TBCA: variants seen among roughly 807,000 people sequenced by gnomAD.
TBCA encodes tubulin folding cofactor A.
A neutral mutation model predicts 15.8 loss-of-function variants in TBCA; 6 were observed. That is an observed-to-expected ratio of 0.38 (90% CI 0.21 to 0.75). The LOEUF (loss-of-function observed/expected upper bound fraction) is 0.75. Ranked by LOEUF, TBCA falls within the 30% of genes least tolerant of loss-of-function variation. The pLI is 0.46. For synonymous variants in TBCA, 32 were observed against 42.3 expected, an observed-to-expected ratio of 0.76 and a Z score of 0.94; for missense variants, 90 against 131.2, an observed-to-expected ratio of 0.69 and a Z score of 1.53.
rs539496698 is a variant in TBCA, at chr5:77,755,962, C to A, written c.53+20243G>T. ...GAGGTTGCGGTGAGCAGTGATGGCACCATTTGCATTCCAGCTGGGTCAACA... is the reference window on the plus strand; with the variant it reads ...GAGGTTGCGGTGAGCAGTGATGGCAACATTTGCATTCCAGCTGGGTCAACA... On this transcript the variant is annotated intron_variant, in intron 1 of 3. Coordinates refer to ENST00000380377, the MANE Select transcript of TBCA (RefSeq NM_004607.3). 2.0e-5 allele frequency among the ~76,000 whole-genome samples: 3 copies of A among 152,268 alleles called. No homozygotes were observed. In the East Asian group the frequency reaches 5.8e-4, roughly 29 times the overall value.
At chr5:77,758,170 C>T (rs563522222) in intron 1 of TBCA, among the ~76,000 whole-genome samples, 1 of 151,886 alleles carries the variant, frequency 6.6e-6, no homozygotes, top group African/African-American at 2.4e-5. Flanking sequence ...AGAGAGAGAC[C>T]CTCTCATATT....
At chr5:77,697,249 C>T (rs898208394) in intron 2 of TBCA, among the ~76,000 whole-genome samples, 2 of 152,190 alleles carry the variant, frequency 1.3e-5, no homozygotes, top group African/African-American at 4.8e-5. Flanking sequence ...CAAGGTGTAA[C>T]TGACTTTTGT....
chr5:77,767,792 C>T (rs1162755704), intron 1 of TBCA, among the ~76,000 whole-genome samples: 1 of 152,196 alleles, frequency 6.6e-6, no homozygotes. Flanking sequence ...ATCCTTAAGT[C>T]CTCATCCACA....
intron 1 of TBCA, among the ~76,000 whole-genome samples, chr5:77,751,523 A>G (rs1350057907): frequency 6.6e-6 from 1 of 151,326 alleles, no homozygotes; most frequent in African/African-American, 2.4e-5. Context: ...CTGGCCAAGA[A>G]GGGAGTCCAT....
chr5:77,716,441 T>G (rs185966274), intron 1 of TBCA, among the ~76,000 whole-genome samples: 181 of 152,322 alleles, frequency 1.2e-3, no homozygotes, highest in African/African-American at 4.3e-3. Flanking sequence ...GGCAAAAGCT[T>G]GAATCACTTG....
chr5:77,763,018 C>T (rs892047437), intron 1 of TBCA, among the ~76,000 whole-genome samples: 18 of 152,020 alleles, frequency 1.2e-4, no homozygotes, highest in African/African-American at 3.6e-4. Flanking sequence ...CCGAGGCAGG[C>T]GGATCACGAG....
chr5:77,755,912 G>A (rs1260900846), intron 1 of TBCA, among the ~76,000 whole-genome samples: 1 of 151,730 alleles, frequency 6.6e-6, no homozygotes, highest in Admixed American at 6.6e-5. Flanking sequence ...GCTGAGGCGG[G>A]AGGATAGCTC....
At chr5:77,759,973 C>G (rs1747569835) in intron 1 of TBCA, among the ~76,000 whole-genome samples, 1 of 152,176 alleles carries the variant, frequency 6.6e-6, no homozygotes, top group South Asian at 2.1e-4. Context: ...GAAACTAGAA[C>G]AGAAGCAATG....
intron 1 of TBCA, among the ~76,000 whole-genome samples, chr5:77,723,961 T>C (rs1746578240): frequency 6.6e-6 from 1 of 152,166 alleles, no homozygotes; most frequent in African/African-American, 2.4e-5. Flanking sequence ...AGTTCAAATT[T>C]TCCATTATTA....
intron 1 of TBCA, among the ~76,000 whole-genome samples, chr5:77,763,084 A>G (rs918219660): frequency 1.4e-4 from 21 of 152,140 alleles, no homozygotes; most frequent in Admixed American, 1.2e-3. Context: ...TCTACTAAAA[A>G]TACAAAAAAA....
intron 1 of TBCA, among the ~76,000 whole-genome samples, chr5:77,771,983 C>T (rs1045739967): frequency 1.3e-5 from 2 of 151,104 alleles, no homozygotes; most frequent in African/African-American, 2.4e-5. Context: ...TTGTGACTTC[C>T]GAAGATAAAT....
At chr5:77,761,208 G>C (rs1747626591) in intron 1 of TBCA, among the ~76,000 whole-genome samples, 1 of 151,870 alleles carries the variant, frequency 6.6e-6, no homozygotes, top group Admixed American at 6.6e-5. Context: ...GGGAAATGTG[G>C]GGAAAAGAAA....
intron 1 of TBCA, among the ~76,000 whole-genome samples, chr5:77,759,420 G>A (rs1029359583): frequency 6.6e-6 from 1 of 152,180 alleles, no homozygotes; most frequent in African/African-American, 2.4e-5. Flanking sequence ...GGGGTATAAT[G>A]AGGTATGTGC....
chr5:77,692,825 T>TC (rs1745785362), intron 3 of TBCA: 3 of 1,067,180 alleles, frequency 2.8e-6, no homozygotes, highest in Non-Finnish European at 3.4e-6. Context: ...CCAGGTTTTT[T>TC]CCCCCTCTCA....
At chr5:77,700,251 T>C (rs1745981095) in intron 2 of TBCA, among the ~76,000 whole-genome samples, 1 of 152,048 alleles carries the variant, frequency 6.6e-6, no homozygotes, top group East Asian at 1.9e-4. Context: ...TCAAAGACAC[T>C]GTTAAGAGGA....
rs1011074648 is a variant in TBCA at position 77,692,817 on chromosome 5, A to G, written c.246+449T>C. The G allele has an allele frequency of 7.5e-6, 8 of 1,063,384 alleles. No individual in the cohort carries two copies. In the African/African-American group the frequency reaches 1.2e-4, roughly 16 times the overall value. The allele number at this position is 1,063,384 out of a possible 1,614,324, so 65.9% of individuals were successfully genotyped here. On this transcript the variant is annotated intron_variant, in intron 3 of 3. Coordinates refer to ENST00000380377, the MANE Select transcript of TBCA (RefSeq NM_004607.3). ...GTATGAGGGGACTACATAGATTACC[A>G]GGTTTTTTCCCCCTCTCAAACTGAT...
At position 77,746,800 on chromosome 5, in the gene TBCA, A is replaced by C. The variant is rs545150505; in HGVS notation, c.53+29405T>G. Among the ~76,000 whole-genome samples the C allele has an allele frequency of 2.0e-5, 3 of 152,304 alleles. No homozygotes were observed. In the East Asian group the frequency reaches 5.8e-4, roughly 29 times the overall value. On this transcript the variant is annotated intron_variant, in intron 1 of 3. Transcript: ENST00000380377. ...AAGCCCCAAATTTCTGGTAAAGTCT[A>C]AATTTATCCAAATCGTATACATCAT...
chr5:77,760,589 GT>G (rs1314175753), intron 1 of TBCA, among the ~76,000 whole-genome samples: 1 of 152,152 alleles, frequency 6.6e-6, no homozygotes, highest in East Asian at 1.9e-4. Context: ...CGCCTGACTG[GT>G]TTTTGTATTT....
chr5:77,731,129 C>T (rs920192195), intron 1 of TBCA, among the ~76,000 whole-genome samples: 7 of 152,120 alleles, frequency 4.6e-5, no homozygotes, highest in East Asian at 1.9e-4. Flanking sequence ...TGGCCTTCTA[C>T]GAATGTCCTA....
Sources: gnomAD v4.1 joint callset for allele counts (sites outside exome capture counted in the v4.1 genomes callset) on GRCh38, gnomAD v4.1.1 for gene constraint, MANE v1.5 for transcripts, NCBI Gene and HGNC (gene_info 2026-07-23, HGNC 2026-07-21) for gene names.